The following FCHSD2 variants were observed in gnomAD, a reference collection of about 807,000 sequenced individuals.
FCHSD2 encodes F-BAR and double SH3 domains protein 2.
A neutral mutation model predicts 108.1 loss-of-function variants in FCHSD2; 38 were observed. The ratio of observed to expected loss-of-function variants is 0.35; its 90% CI spans 0.27 to 0.46. The LOEUF is 0.46. Ranked by LOEUF, FCHSD2 falls within the 20% of genes least tolerant of loss-of-function variation. The pLI, the probability that FCHSD2 is intolerant of heterozygous loss-of-function variation, is 1.00. For synonymous variants in FCHSD2, 279 were observed against 314.7 expected (o/e 0.89, Z 1.20); for missense variants, 751 against 897.8 (o/e 0.84, Z 2.09).
chr11:72,881,864 G>C (rs558205382), intron 12 of FCHSD2, among the ~76,000 whole-genome samples: 3 of 152,206 alleles, frequency 2.0e-5, no homozygotes, highest in Non-Finnish European at 2.9e-5. Flanking sequence ...GGCTGGGGCC[G>C]GGTGCGGTGG....
chr11:72,909,647 G>A (rs1417084223), intron 9 of FCHSD2, among the ~76,000 whole-genome samples: 6 of 148,046 alleles, frequency 4.1e-5, no homozygotes, highest in East Asian at 4.0e-4. Context: ...CTGGCCGGCC[G>A]CCACCCTGTC....
chr11:73,054,706 G>A (rs540169878), intron 3 of FCHSD2, among the ~76,000 whole-genome samples: 60 of 152,128 alleles, frequency 3.9e-4, no homozygotes, highest in African/African-American at 1.4e-3. Context: ...ACAGAGTCTT[G>A]GCTTTGTCAC....
intron 14 of FCHSD2, among the ~76,000 whole-genome samples, chr11:72,846,371 G>A (rs571716936): frequency 5.9e-5 from 9 of 152,014 alleles, no homozygotes; most frequent in East Asian, 5.8e-4. Context: ...TAGTAGAGAC[G>A]GGGTTTCACC....
chr11:72,948,367 C>T (rs1176898289), intron 8 of FCHSD2, among the ~76,000 whole-genome samples: 2 of 152,144 alleles, frequency 1.3e-5, no homozygotes, highest in African/African-American at 2.4e-5. Flanking sequence ...TTCAAAATTA[C>T]TGAATGTTTC....
chr11:73,094,218 C>A (rs1433716287), intron 2 of FCHSD2, among the ~76,000 whole-genome samples: 1 of 150,406 alleles, frequency 6.6e-6, no homozygotes, highest in Non-Finnish European at 1.5e-5. Flanking sequence ...TCTCCCTGCA[C>A]CAAAAAAAAA....
intron 3 of FCHSD2, among the ~76,000 whole-genome samples, chr11:73,028,023 G>A (rs1489567896): frequency 1.3e-5 from 2 of 152,254 alleles, no homozygotes; most frequent in African/African-American, 2.4e-5. Flanking sequence ...TGCTGCAGGG[G>A]CAGAGCCCTC....
intron 3 of FCHSD2, among the ~76,000 whole-genome samples, chr11:73,050,586 G>C (rs1423046371): frequency 6.6e-6 from 1 of 152,020 alleles, no homozygotes; most frequent in East Asian, 1.9e-4. Flanking sequence ...CCCCCACAAT[G>C]GTTTTTCAGT....
At chr11:73,123,299 C>T (rs537302481) in intron 2 of FCHSD2, among the ~76,000 whole-genome samples, 1 of 152,304 alleles carries the variant, frequency 6.6e-6, no homozygotes, top group South Asian at 2.1e-4. Context: ...CCTGCAGTAT[C>T]TCCTAGCCAA....
At chr11:73,087,148 G>A (rs1266040200) in intron 2 of FCHSD2, among the ~76,000 whole-genome samples, 1 of 152,266 alleles carries the variant, frequency 6.6e-6, no homozygotes, top group East Asian at 1.9e-4. Context: ...TAATATTGAT[G>A]ATTCTGACAG....
chr11:72,978,371 T>A (rs939578353), intron 8 of FCHSD2, among the ~76,000 whole-genome samples: 1 of 152,046 alleles, frequency 6.6e-6, no homozygotes, highest in South Asian at 2.1e-4. Context: ...AAAATCTGAA[T>A]AGACATTTCT....
intron 13 of FCHSD2, among the ~76,000 whole-genome samples, chr11:72,856,346 T>A (rs1861428885): frequency 6.6e-6 from 1 of 152,206 alleles, no homozygotes; most frequent in African/African-American, 2.4e-5. Context: ...TTCTACTTTT[T>A]CATGAATTAA....
intron 9 of FCHSD2, among the ~76,000 whole-genome samples, chr11:72,911,176 A>G (rs949030354): frequency 5.9e-5 from 9 of 152,320 alleles, no homozygotes; most frequent in Non-Finnish European, 8.8e-5. Flanking sequence ...ATATGGCAAG[A>G]GATAGGGGTC....
intron 3 of FCHSD2, among the ~76,000 whole-genome samples, chr11:73,064,055 G>C (rs536644451): frequency 1.3e-5 from 2 of 152,198 alleles, no homozygotes; most frequent in African/African-American, 4.8e-5. Context: ...ACACTCCTCA[G>C]CAAATGCAAA....
chr11:72,881,875 C>T (rs1855095041), intron 12 of FCHSD2, among the ~76,000 whole-genome samples: 1 of 152,194 alleles, frequency 6.6e-6, no homozygotes, highest in Non-Finnish European at 1.5e-5. Flanking sequence ...GGTGCGGTGG[C>T]TCACGCCTGT....
chr11:72,976,960 C>A (rs1857115525), intron 8 of FCHSD2, among the ~76,000 whole-genome samples: 2 of 149,436 alleles, frequency 1.3e-5, no homozygotes, highest in Non-Finnish European at 3.0e-5. Context: ...GAGTCTTGCT[C>A]TGTTGCCCAG....
chr11:73,074,672 CA>C (rs1275992700), intron 3 of FCHSD2, among the ~76,000 whole-genome samples: 1 of 152,098 alleles, frequency 6.6e-6, no homozygotes, highest in Admixed American at 6.6e-5. Flanking sequence ...AGCTATCAAA[CA>C]AAACATTTCC....
In FCHSD2 at chr11:72,887,441, C is replaced by A. The variant is rs747441529; in HGVS notation, c.1146+29G>T. On this transcript the variant is annotated intron_variant, in intron 12 of 19. Transcript: ENST00000409418. Reference sequence around the variant, plus strand: ...CTGTGACAGTGTCATTAGACCTGGGCAAAATGCCACAATTAGCTGCCACCT... The same window carrying A: ...CTGTGACAGTGTCATTAGACCTGGGAAAAATGCCACAATTAGCTGCCACCT... 8.9e-6 allele frequency: 13 copies of A among 1,464,842 alleles called. No individual in the cohort carries two copies. The African/African-American group carries it at 1.1e-4, about 13-fold the overall frequency. 90.7% of individuals were successfully genotyped at this position (1,464,842 alleles called of 1,614,324 possible).
chr11:72,899,987 A>C (rs1003496352), intron 10 of FCHSD2, among the ~76,000 whole-genome samples: 4 of 152,168 alleles, frequency 2.6e-5, no homozygotes, highest in Admixed American at 2.6e-4. Context: ...TTCCCCTTTA[A>C]TAAAGACAAG....
At chr11:73,014,500 C>T (rs2135431771) in intron 4 of FCHSD2, among the ~76,000 whole-genome samples, 1 of 152,230 alleles carries the variant, frequency 6.6e-6, no homozygotes, top group African/African-American at 2.4e-5. Context: ...GCTCTCAAGA[C>T]ACCTTCCATG....
Sources: gnomAD v4.1 joint callset for allele counts (sites outside exome capture counted in the v4.1 genomes callset) on GRCh38, gnomAD v4.1.1 for gene constraint, MANE v1.5 for transcripts, NCBI Gene and HGNC (gene_info 2026-07-23, HGNC 2026-07-21) for gene names.